SULF1: variants seen among roughly 807,000 people sequenced by gnomAD.
SULF1 encodes the protein sulfatase 1.
In SULF1, 46 loss-of-function variants were observed where a neutral mutation model predicts 110.5. That is an observed-to-expected ratio of 0.42 (90% CI 0.33 to 0.53). The LOEUF is 0.53. Among genes scored for constraint, SULF1 ranks in the 20% least tolerant of loss-of-function variants. SULF1 has a pLI of 0.12. For synonymous variants in SULF1, 371 were observed against 387.1 expected, an observed-to-expected ratio of 0.96 and a Z score of 0.49; for missense variants, 941 against 1,094.2, an observed-to-expected ratio of 0.86 and a Z score of 1.98.
chr8:69,551,872 A>G (rs1379559779), intron 3 of SULF1, among the ~76,000 whole-genome samples: 1 of 152,152 alleles, frequency 6.6e-6, no homozygotes, highest in Non-Finnish European at 1.5e-5. Context: ...CGGGTGGATC[A>G]CCTGAGGCCA....
chr8:69,655,618 G>C (rs1812667771), intron 22 of SULF1, among the ~76,000 whole-genome samples: 1 of 152,050 alleles, frequency 6.6e-6, no homozygotes, highest in Non-Finnish European at 1.5e-5. Flanking sequence ...TGCTGGTCAG[G>C]CTGGTCTTAA....
At chr8:69,506,378 G>A (rs1157558677) in intron 3 of SULF1, among the ~76,000 whole-genome samples, 3 of 152,132 alleles carry the variant, frequency 2.0e-5, no homozygotes, top group Non-Finnish European at 1.5e-5. Context: ...TCACATGTGA[G>A]ACTTCAATGC....
intron 15 of SULF1, among the ~76,000 whole-genome samples, chr8:69,626,647 C>G (rs1810068555): frequency 6.6e-6 from 1 of 152,344 alleles, no homozygotes; most frequent in Non-Finnish European, 1.5e-5. Context: ...CAGCTAAGGC[C>G]CGGTGAGAAA....
At chr8:69,553,155 C>G (rs1054749160) in intron 3 of SULF1, among the ~76,000 whole-genome samples, 1 of 152,248 alleles carries the variant, frequency 6.6e-6, no homozygotes. Flanking sequence ...ATGATCTCTT[C>G]CCTGAAGCCA....
At chr8:69,626,035 C>G (rs1451733003) in intron 15 of SULF1, 7 of 152,218 alleles carry the variant, frequency 4.6e-5, no homozygotes, top group African/African-American at 1.7e-4. Flanking sequence ...TCGATTGGTG[C>G]ATTCGCAAAC....
intron 13 of SULF1, among the ~76,000 whole-genome samples, chr8:69,618,263 A>G (rs926865173): frequency 6.6e-6 from 1 of 152,122 alleles, no homozygotes; most frequent in African/African-American, 2.4e-5. Context: ...CACCCTCTCT[A>G]TCCGTGGGTT....
At chr8:69,521,988 A>T (rs1180763746) in intron 3 of SULF1, among the ~76,000 whole-genome samples, 2 of 152,030 alleles carry the variant, frequency 1.3e-5, no homozygotes, top group Non-Finnish European at 2.9e-5. Context: ...TCAACTAGAT[A>T]TTAAAAAGAG....
At chr8:69,556,649 T>G (rs1815136299) in intron 3 of SULF1, among the ~76,000 whole-genome samples, 1 of 152,202 alleles carries the variant, frequency 6.6e-6, no homozygotes, top group African/African-American at 2.4e-5. Context: ...TTAATGAAAT[T>G]TAATGTAATA....
intron 1 of SULF1, among the ~76,000 whole-genome samples, chr8:69,478,079 G>A (rs1293296320): frequency 2.0e-5 from 3 of 151,922 alleles, no homozygotes; most frequent in Admixed American, 6.6e-5. Flanking sequence ...GTCTCAAACC[G>A]CTGGGCTAAA....
intron 1 of SULF1, among the ~76,000 whole-genome samples, chr8:69,467,476 T>C (rs955623108): frequency 4.1e-4 from 63 of 152,212 alleles, no homozygotes; most frequent in African/African-American, 1.4e-3. Flanking sequence ...CTCTGAAGTT[T>C]GGAAACTCCT....
intron 3 of SULF1, among the ~76,000 whole-genome samples, chr8:69,526,164 C>T (rs1397680087): frequency 1.3e-5 from 2 of 152,066 alleles, no homozygotes; most frequent in African/African-American, 2.4e-5. Context: ...ACACTTTGTA[C>T]CATAGAAGTA....
At chr8:69,590,481 T>C (rs535757649) in intron 8 of SULF1, among the ~76,000 whole-genome samples, 2 of 152,300 alleles carry the variant, frequency 1.3e-5, no homozygotes, top group Admixed American at 1.3e-4. Flanking sequence ...AATATTTTTA[T>C]TTGTACCTTA....
At chr8:69,515,280 A>G (rs1447633759) in intron 3 of SULF1, among the ~76,000 whole-genome samples, 1 of 152,080 alleles carries the variant, frequency 6.6e-6, no homozygotes, top group Non-Finnish European at 1.5e-5. Flanking sequence ...TCTTCTGCAC[A>G]CCTGAAGGCC....
At chr8:69,529,685 A>G (rs1362693681) in intron 3 of SULF1, among the ~76,000 whole-genome samples, 2 of 152,174 alleles carry the variant, frequency 1.3e-5, no homozygotes, top group Non-Finnish European at 2.9e-5. Flanking sequence ...TGGCTCACTC[A>G]CAAGGCTGGC....
intron 8 of SULF1, among the ~76,000 whole-genome samples, chr8:69,596,143 C>A (rs1051888897): frequency 2.6e-5 from 4 of 152,016 alleles, no homozygotes; most frequent in African/African-American, 9.7e-5. Flanking sequence ...TGCAGGGAGG[C>A]CTCGCTGGGA....
chr8:69,636,596 G>A (rs970168075), intron 19 of SULF1, among the ~76,000 whole-genome samples: 11 of 152,066 alleles, frequency 7.2e-5, no homozygotes, highest in Non-Finnish European at 4.4e-5. Flanking sequence ...CATTTTCTAC[G>A]TTCTGCTGGT....
At position 69,640,907 on chromosome 8, in the gene SULF1, A is replaced by T. The variant is rs1290842087; in HGVS notation, c.2585+66A>T. 6 of 1,511,570 alleles carry T rather than the reference A, an allele frequency of 4.0e-6. No homozygotes were observed. In the African/African-American group the frequency reaches 4.2e-5, roughly 11 times the overall value. 93.6% of individuals were successfully genotyped at this position (1,511,570 alleles called of 1,614,324 possible). A position where few individuals can be genotyped will look rare whatever the true frequency, so the allele number is the denominator to read the frequency against. On this transcript the variant is annotated intron_variant, in intron 22 of 22. Coordinates refer to ENST00000402687, the MANE Select transcript of SULF1 (RefSeq NM_001128205.2). Reference sequence around the variant, plus strand: ...AATAATTGCATGATCCAGTGGTTTCAACTAATTTCTGTTTCTTACCGTGTT... The same window carrying T: ...AATAATTGCATGATCCAGTGGTTTCTACTAATTTCTGTTTCTTACCGTGTT...
At chr8:69,533,285 G>A (rs1369913932) in intron 3 of SULF1, among the ~76,000 whole-genome samples, 1 of 152,118 alleles carries the variant, frequency 6.6e-6, no homozygotes, top group Non-Finnish European at 1.5e-5. Flanking sequence ...TGTGCAGGAC[G>A]TGCAGGTTTG....
At chr8:69,492,039 G>A (rs1809966291), upstream of SULF1, among the ~76,000 whole-genome samples, 2 of 152,082 alleles carry the variant, frequency 1.3e-5, no homozygotes, top group African/African-American at 4.8e-5. Context: ...TAACGTGCTG[G>A]GGAGTAGGTG....
Sources: gnomAD v4.1 joint callset for allele counts (sites outside exome capture counted in the v4.1 genomes callset) on GRCh38, gnomAD v4.1.1 for gene constraint, MANE v1.5 for transcripts, NCBI Gene and HGNC (gene_info 2026-07-23, HGNC 2026-07-21) for gene names.